The following MYO1C variants were observed in gnomAD, a reference collection of about 807,000 sequenced individuals.
MYO1C encodes the protein unconventional myosin-Ic.
MYO1C carries 104 observed loss-of-function variants against 150.8 expected under a neutral mutation model. The ratio of observed to expected loss-of-function variants is 0.69; its 90% confidence interval spans 0.59 to 0.81. The LOEUF (loss-of-function observed/expected upper bound fraction) is 0.81, where lower values mean the gene tolerates loss of function less well. Ranked by LOEUF, MYO1C falls within the 30% of genes least tolerant of loss-of-function variation. MYO1C has a pLI of 0.00. For synonymous variants in MYO1C, 663 were observed against 579.9 expected, an observed-to-expected ratio of 1.14 and a Z score of -2.06; for missense variants, 1,504 against 1,435.0, an observed-to-expected ratio of 1.05 and a Z score of -0.78.
chr17:1,470,238 C>T lies in MYO1C; in HGVS notation c.2463G>A (p.Arg821=). ...HVRTSFLLNL[R]RQLPQNVLDT... The stretch of plus-strand genomic sequence containing the variant: ...CCAGGACATTCTGGGGCAGCTGCCG[C>T]CTCAGGTTTAGCAAAAAAGAGGTGC... Residue 821 remains arginine (R), a synonymous_variant, in exon 24 of 32, where the codon AGG becomes AGA. Transcript: ENST00000648651. The T allele has an allele frequency of 6.2e-7, 1 of 1,610,232 alleles. No homozygotes were observed.
chr17:1,468,624 G>A, intron 25 of MYO1C, 128 bp from the exon 26 acceptor site: 1 of 748,718 alleles, frequency 1.3e-6, no homozygotes, highest in South Asian at 1.5e-5. Context: ...CTCAGCACCA[G>A]GAGGCTGAGC....
rs1439706344 is a variant in MYO1C, at chr17:1,465,031, C to T, written c.*695G>A. The T allele has an allele frequency of 1.3e-5, 2 of 152,162 alleles. No homozygotes were observed. Among genetic ancestry groups the T allele is most frequent in the Non-Finnish European group, 2.9e-5 (2 of 68,060 alleles). 9.4% of individuals were successfully genotyped at this position (152,162 alleles called of 1,614,324 possible). On this transcript the variant is annotated 3_prime_UTR_variant, in exon 32 of 32. Coordinates refer to ENST00000648651, the MANE Select transcript of MYO1C (RefSeq NM_001080779.2). ...TTCTCCATGTAGGTCAGGTTGGTCT[C>T]GAAATCCTGACCTCAGGTTATCTGC... is the stretch of plus-strand genomic sequence containing the variant.
chr17:1,481,801 C>G (rs548375274), intron 5 of MYO1C, among the ~76,000 whole-genome samples: 12 of 148,108 alleles, frequency 8.1e-5, no homozygotes, highest in Admixed American at 1.4e-4. Flanking sequence ...TCACCCAGCC[C>G]GATGACTCCC....
Position 1,492,422 on chromosome 17 carries a change from G to A in MYO1C, c.66C>T (p.Pro22=), listed in dbSNP as rs1333897149. The change falls in exon 1 of 32, where the codon CCC becomes CCT. Residue 22 remains proline, a synonymous_variant. Coordinates refer to ENST00000648651, the MANE Select transcript of MYO1C (RefSeq NM_001080779.2). ...EIIRVVHPHR[P]CKLALGSDGV... is the part of the protein sequence containing the mutation. ...GAGCATCCCAGCTTACAAGCTTGCAGGGCCTGTGGGGATGAACCACGCGGA... is the reference window on the plus strand; with the variant it reads ...GAGCATCCCAGCTTACAAGCTTGCAAGGCCTGTGGGGATGAACCACGCGGA... The A allele has an allele frequency of 1.4e-5, 22 of 1,605,816 alleles. No individual in the cohort carries two copies. The highest frequency in any genetic ancestry group is 1.6e-5 in the Non-Finnish European group (19 of 1,176,584).
At chr17:1,470,811 G>A (rs2074287222) in intron 21 of MYO1C, 122 bp from the exon 22 acceptor site, 2 of 1,094,814 alleles carry the variant, frequency 1.8e-6, no homozygotes, top group South Asian at 1.3e-5. Context: ...CGAGCAGGAG[G>A]AGAGTGGTGA....
At chr17:1,476,951 G>T (rs903427624) in intron 14 of MYO1C, among the ~76,000 whole-genome samples, 1 of 151,022 alleles carries the variant, frequency 6.6e-6, no homozygotes, top group East Asian at 2.0e-4. Flanking sequence ...CGATTCTCCC[G>T]CCTCAGCCTC....
rs760701365 is a variant in MYO1C at position 1,465,545 on chromosome 17, G to C, written c.*181C>G. 2 of 620,250 alleles carry C rather than the reference G, an allele frequency of 3.2e-6. No individual in the cohort carries two copies. Among genetic ancestry groups the C allele is most frequent in the African/African-American group, 3.8e-5 (2 of 53,116 alleles). The allele number at this position is 620,250 out of a possible 1,614,324, so 38.4% of individuals were successfully genotyped here. A position where few individuals can be genotyped will look rare whatever the true frequency, so the allele number is the denominator to read the frequency against. On this transcript the variant is annotated 3_prime_UTR_variant, in exon 32 of 32. Transcript: ENST00000648651. ...CTGTGGCCCGGCCTGGCCCACTCCTGGGGTAGCTCCTGGCCCCTGCTGCTC... is the reference window on the plus strand; with the variant it reads ...CTGTGGCCCGGCCTGGCCCACTCCTCGGGTAGCTCCTGGCCCCTGCTGCTC...
At chr17:1,489,142 A>C (rs368598290) in intron 1 of MYO1C, among the ~76,000 whole-genome samples, 51 of 152,338 alleles carry the variant, frequency 3.3e-4, no homozygotes, top group African/African-American at 1.2e-3. Flanking sequence ...CACGGGTGGC[A>C]CAGAGCAGGG....
rs1332415592 is a variant in MYO1C, at chr17:1,492,398, A to G, written c.75+15T>C. On this transcript the variant is annotated intron_variant, in intron 1 of 31. Transcript: ENST00000648651. ...CGCTCCCACCCTCCTCCCAGCCCAG[A>G]GCATCCCAGCTTACAAGCTTGCAGG... The G allele has an allele frequency of 2.5e-6, 4 of 1,596,100 alleles. No individual in the cohort carries two copies. Among genetic ancestry groups the G allele is most frequent in the Non-Finnish European group, 3.4e-6 (4 of 1,171,656 alleles).
intron 2 of MYO1C, 139 bp from the exon 3 acceptor site, chr17:1,483,864 A>T: frequency 2.7e-6 from 2 of 739,884 alleles, no homozygotes; most frequent in Non-Finnish European, 4.5e-6. Flanking sequence ...ACCAACATGG[A>T]GAAATCCGTC....
chr17:1,464,701 C>G lies in MYO1C; in HGVS notation c.*1025G>C, dbSNP rs950885845. 1 of 152,678 alleles carries G rather than the reference C, an allele frequency of 6.5e-6. No individual in the cohort carries two copies. The highest frequency in any genetic ancestry group is 1.5e-5 in the Non-Finnish European group (1 of 68,110). The allele number at this position is 152,678 out of a possible 1,614,324, so 9.5% of individuals were successfully genotyped here. On this transcript the variant is annotated 3_prime_UTR_variant, in exon 32 of 32. Coordinates refer to ENST00000648651, the MANE Select transcript of MYO1C (RefSeq NM_001080779.2). ...GCATCTGTCTTCTGCTCTGTAACATCAAGGGGCTGGGCTGGATGATCTCTC... is the reference window on the plus strand; with the variant it reads ...GCATCTGTCTTCTGCTCTGTAACATGAAGGGGCTGGGCTGGATGATCTCTC...
chr17:1,469,664 T>G, intron 24 of MYO1C, 50 bp from the exon 25 acceptor site: 2 of 1,420,232 alleles, frequency 1.4e-6, no homozygotes, highest in Non-Finnish European at 2.0e-6. Context: ...GGCCCTTCCC[T>G]CTGAAGACAT....
chr17:1,488,279 C>T (rs2074690948), intron 1 of MYO1C, among the ~76,000 whole-genome samples: 1 of 152,152 alleles, frequency 6.6e-6, no homozygotes, highest in Non-Finnish European at 1.5e-5. Context: ...GCCCCCGCAG[C>T]CACCGCCCGG....
chr17:1,470,070 G>T, intron 24 of MYO1C, 105 bp downstream of exon 24: 1 of 1,211,446 alleles, frequency 8.3e-7, no homozygotes, highest in African/African-American at 1.5e-5. Flanking sequence ...GCTCTGGTCC[G>T]GGCCCTCCGT....
Position 1,468,407 on chromosome 17 carries a change from C to G in MYO1C, c.2700G>C (p.Arg900=), listed in dbSNP as rs369548360. 1.2e-6 allele frequency: 2 copies of G among 1,613,880 alleles called. No homozygotes were observed. Among genetic ancestry groups the G allele is most frequent in the African/African-American group, 2.7e-5 (2 of 74,896 alleles). The change falls in exon 26 of 32, where the codon CGG becomes CGC. Residue 900 remains arginine (R), a synonymous_variant. Coordinates refer to ENST00000648651, the MANE Select transcript of MYO1C (RefSeq NM_001080779.2). ...GCTGGAAAGTCAGGGGCTCACCAAG[C>G]CGAGTGCTGATGAAGAGCCTGGGTA... The part of the protein sequence containing the change: ...QSVPRLFIST[R]LGTDEISPRV...
chr17:1,492,021 T>TC (rs2074741230), intron 1 of MYO1C: 1 of 265,956 alleles, frequency 3.8e-6, no homozygotes, highest in South Asian at 3.9e-5. Context: ...TCCCACACCG[T>TC]CCTTCTGTTC....
At chr17:1,471,415 C>G in intron 19 of MYO1C, 79 bp from the exon 20 acceptor site, 2 of 1,164,926 alleles carry the variant, frequency 1.7e-6, no homozygotes, top group Non-Finnish European at 2.5e-6. Flanking sequence ...CTCTGGGCAC[C>G]TGCTGGGTGC....
At position 1,470,277 on chromosome 17, in the gene MYO1C, G is replaced by A. The variant is rs1035175672; in HGVS notation, c.2424C>T (p.Phe808=). The change falls in exon 24 of 32, where the codon TTC becomes TTT. Residue 808 remains phenylalanine, a synonymous_variant. Coordinates refer to ENST00000648651, the MANE Select transcript of MYO1C (RefSeq NM_001080779.2). ...AAAAAGAGGTGCGCACATGGTCCAG[G>A]AAGAAGGCGTTCTCGGGGCAGCGGG... ...HAPRCPENAF[F]LDHVRTSFLL... 3 of 1,596,586 alleles carry A rather than the reference G, an allele frequency of 1.9e-6. No homozygotes were observed. Among genetic ancestry groups the A allele is most frequent in the Non-Finnish European group, 2.6e-6 (3 of 1,172,378 alleles).
At chr17:1,484,442 C>A (rs1212221254) in intron 1 of MYO1C, 139 bp from the exon 2 acceptor site, 2 of 1,074,030 alleles carry the variant, frequency 1.9e-6, no homozygotes, top group Non-Finnish European at 2.7e-6. Context: ...ATGACGGGTG[C>A]GGGGGGCCTG....
Sources: allele counts gnomAD v4.1 joint callset (sites outside exome capture counted in the v4.1 genomes callset), GRCh38; gene constraint gnomAD v4.1.1; transcripts MANE v1.5; gene names NCBI Gene and HGNC (gene_info 2026-07-23, HGNC 2026-07-21).